SAMMSON: variants seen among roughly 807,000 people sequenced by gnomAD.
SAMMSON encodes the protein survival associated mitochondrial melanoma specific oncogenic non-coding RNA.
At chr3:70,398,700 C>G (rs749080375) in intron 2 of SAMMSON, among the ~76,000 whole-genome samples, 14 of 152,172 alleles carry the variant, frequency 9.2e-5, no homozygotes, top group Non-Finnish European at 1.8e-4. Context: ...CTTCATCCCT[C>G]CAAATTTGAC....
chr3:70,384,722 A>G (rs1285027883), intron 9 of SAMMSON, among the ~76,000 whole-genome samples: 4 of 152,118 alleles, frequency 2.6e-5, no homozygotes, highest in Admixed American at 2.6e-4. Flanking sequence ...AGAATAAATA[A>G]CAAGCTTACT....
chr3:70,344,375 C>A (rs1702733860), intron 7 of SAMMSON, among the ~76,000 whole-genome samples: 1 of 152,048 alleles, frequency 6.6e-6, no homozygotes, highest in African/African-American at 2.4e-5. Flanking sequence ...AGGAGATTGG[C>A]CACTGGATGG....
At chr3:70,165,256 C>A (rs1414630059) in intron 4 of SAMMSON, among the ~76,000 whole-genome samples, 1 of 151,986 alleles carries the variant, frequency 6.6e-6, no homozygotes, top group Non-Finnish European at 1.5e-5. Context: ...TATCAGATAA[C>A]ACAGGCTAAT....
At chr3:70,140,849 C>T (rs2067525019) in intron 4 of SAMMSON, among the ~76,000 whole-genome samples, 1 of 152,126 alleles carries the variant, frequency 6.6e-6, no homozygotes, top group African/African-American at 2.4e-5. Flanking sequence ...CCATCTGAGT[C>T]TTCATCAGAA....
chr3:70,291,971 A>G (rs1447638658), intron 7 of SAMMSON: 2 of 152,226 alleles, frequency 1.3e-5, no homozygotes, highest in Non-Finnish European at 2.9e-5. Flanking sequence ...AGATTCATCC[A>G]TTCATTAAGC....
chr3:70,048,051 C>T (rs1013746789), intron 3 of SAMMSON, among the ~76,000 whole-genome samples: 1 of 151,876 alleles, frequency 6.6e-6, no homozygotes, highest in African/African-American at 2.4e-5. Flanking sequence ...GCAAAAATAC[C>T]ACTCAGGTAA....
intron 6 of SAMMSON, among the ~76,000 whole-genome samples, chr3:70,278,189 C>T (rs1470887512): frequency 6.6e-6 from 1 of 152,068 alleles, no homozygotes; most frequent in African/African-American, 2.4e-5. Flanking sequence ...AGTGTATATT[C>T]TTTTATTTAT....
chr3:70,382,024 C>T (rs1703073318), intron 9 of SAMMSON, among the ~76,000 whole-genome samples: 1 of 152,044 alleles, frequency 6.6e-6, no homozygotes, highest in Admixed American at 6.6e-5. Flanking sequence ...AAAATGTCTT[C>T]ACTTTTTGGG....
chr3:70,059,878 T>C (rs2067181351), intron 3 of SAMMSON, among the ~76,000 whole-genome samples: 1 of 152,104 alleles, frequency 6.6e-6, no homozygotes, highest in Non-Finnish European at 1.5e-5. Context: ...AATCATGTAC[T>C]AAATGTTCAC....
chr3:70,239,021 CCAAAAATGATCTA>C (rs1347531976), intron 4 of SAMMSON, among the ~76,000 whole-genome samples: 4 of 151,928 alleles, frequency 2.6e-5, no homozygotes, highest in African/African-American at 9.7e-5. Flanking sequence ...TGAAGGTATG[CCAAAAATGATCTA>C]CAAAAATGGC....
intron 6 of SAMMSON, among the ~76,000 whole-genome samples, chr3:70,257,220 G>T (rs904962152): frequency 1.3e-5 from 2 of 152,134 alleles, no homozygotes; most frequent in Non-Finnish European, 1.5e-5. Context: ...GGTTTCTTTG[G>T]CAAACCCTTC....
intron 6 of SAMMSON, among the ~76,000 whole-genome samples, chr3:70,258,182 T>C (rs1324209144): frequency 1.3e-5 from 2 of 152,140 alleles, no homozygotes; most frequent in Non-Finnish European, 2.9e-5. Context: ...ACTATCATGT[T>C]CTAGAATAAA....
At chr3:70,215,258 C>T (rs879805957) in intron 4 of SAMMSON, among the ~76,000 whole-genome samples, 7 of 152,066 alleles carry the variant, frequency 4.6e-5, no homozygotes, top group Non-Finnish European at 1.0e-4. Flanking sequence ...AAGATTACCC[C>T]GCTGGTAAGG....
chr3:70,239,844 A>G (rs1179508289), intron 4 of SAMMSON, among the ~76,000 whole-genome samples: 1 of 152,128 alleles, frequency 6.6e-6, no homozygotes, highest in Non-Finnish European at 1.5e-5. Context: ...CGTCTGGCAG[A>G]TAGATCATCA....
intron 4 of SAMMSON, among the ~76,000 whole-genome samples, chr3:70,217,123 T>C (rs987119408): frequency 4.6e-5 from 7 of 152,244 alleles, no homozygotes; most frequent in African/African-American, 1.7e-4. Flanking sequence ...ACCAAAATGC[T>C]GCCTAATGAA....
At chr3:70,252,223 A>G (rs1701775937) in intron 6 of SAMMSON, among the ~76,000 whole-genome samples, 1 of 152,196 alleles carries the variant, frequency 6.6e-6, no homozygotes, top group African/African-American at 2.4e-5. Context: ...AATTCTGCAA[A>G]CCCATAGTTT....
intron 4 of SAMMSON, among the ~76,000 whole-genome samples, chr3:70,224,002 C>T (rs545046949): frequency 6.1e-4 from 93 of 152,144 alleles, no homozygotes; most frequent in African/African-American, 2.0e-3. Context: ...TGCAAGACTG[C>T]AGTATCTACA....
At position 70,070,086 on chromosome 3, in the gene SAMMSON, A is replaced by G. The variant is rs556246693; in HGVS notation, n.418-1390A>G. 21 of 152,198 alleles carry G rather than the reference A, an allele frequency of 1.4e-4. 1 individual carries two copies. In the South Asian group the frequency reaches 3.5e-3, roughly 26 times the overall value. 9.4% of individuals were successfully genotyped at this position (152,198 alleles called of 1,614,324 possible). On this transcript the variant is annotated intron_variant and non_coding_transcript_variant, in intron 3 of 9. Transcript: ENST00000642114. ...TCCTCGGAGTGCGAAAATCCAACAC[A>G]ATGTCTGGGAATTCAGACTTATAAA...
intron 4 of SAMMSON, among the ~76,000 whole-genome samples, chr3:70,145,789 A>G (rs2067546753): frequency 6.6e-6 from 1 of 152,026 alleles, no homozygotes; most frequent in South Asian, 2.1e-4. Context: ...ACCTTAAGAA[A>G]CTAGAAAAAA....
Sources: gnomAD v4.1 joint callset for allele counts (sites outside exome capture counted in the v4.1 genomes callset) on GRCh38, gnomAD v4.1.1 for gene constraint, MANE v1.5 for transcripts, NCBI Gene and HGNC (gene_info 2026-07-23, HGNC 2026-07-21) for gene names.